ROBO2: variants seen among roughly 807,000 people sequenced by gnomAD.
ROBO2 encodes roundabout homolog 2.
ROBO2 carries 53 observed loss-of-function variants against 160.8 expected under a neutral mutation model. The observed-to-expected ratio is 0.33, with a 90% CI of 0.26 to 0.41. The LOEUF is 0.41. Ranked by LOEUF, ROBO2 falls within the 10% of genes least tolerant of loss-of-function variation. ROBO2 has a pLI of 1.00. For missense variants in ROBO2, 1,577 were observed against 1,722.4 expected (o/e 0.92, Z 1.49); for synonymous variants, 664 against 611.7 (o/e 1.09, Z -1.26).
intron 4 of ROBO2, among the ~76,000 whole-genome samples, chr3:77,491,298 G>C (rs1439794477): frequency 6.6e-6 from 1 of 152,128 alleles, no homozygotes; most frequent in Non-Finnish European, 1.5e-5. Context: ...AAATCAAAGG[G>C]AACAGGAAAG....
At chr3:77,534,629 A>G (rs1037733447) in intron 6 of ROBO2, among the ~76,000 whole-genome samples, 1 of 152,202 alleles carries the variant, frequency 6.6e-6, no homozygotes, top group African/African-American at 2.4e-5. Flanking sequence ...ATTAAATGTC[A>G]CTCAAGGGAA....
chr3:77,114,770 G>T (rs570828540), intron 2 of ROBO2, among the ~76,000 whole-genome samples: 195 of 152,020 alleles, frequency 1.3e-3, no homozygotes, highest in African/African-American at 4.6e-3. Flanking sequence ...TTTTAAAAAA[G>T]CAAAGAAGTA....
At chr3:77,257,123 CT>C in intron 2 of ROBO2, among the ~76,000 whole-genome samples, 1 of 152,288 alleles carries the variant, frequency 6.6e-6, no homozygotes, top group Non-Finnish European at 1.5e-5. Flanking sequence ...TATCAAAACA[CT>C]TGGCTAATTT....
chr3:77,040,173 G>T lies in ROBO2; in HGVS notation c.-613G>T. 1.0e-6 allele frequency: 1 copy of T among 985,762 alleles called. No individual in the cohort carries two copies. The highest frequency in any genetic ancestry group is 1.2e-6 in the Non-Finnish European group (1 of 830,244). The allele number at this position is 985,762 out of a possible 1,614,324, so 61.1% of individuals were successfully genotyped here. A position where few individuals can be genotyped will look rare whatever the true frequency, so the allele number is the denominator to read the frequency against. ...CTCTTTTGGAAACCGGAGAGGTGGA[G>T]GGAGGGCAACACCGCTGCAAAGGAG... is the stretch of plus-strand genomic sequence containing the variant. On this transcript the variant is annotated 5_prime_UTR_variant, in exon 1 of 26. It adds an upstream start codon to the 5' untranslated region. Coordinates refer to ENST00000461745, the Ensembl canonical transcript of ROBO2.
intron 2 of ROBO2, among the ~76,000 whole-genome samples, chr3:76,375,763 T>A (rs1262128998): frequency 6.6e-6 from 1 of 152,068 alleles, no homozygotes; most frequent in Non-Finnish European, 1.5e-5. Context: ...AGTAATTTAG[T>A]CTCTTTGAGA....
At position 76,128,021 on chromosome 3, in the gene ROBO2, G is replaced by C. The variant is rs1309551368; in HGVS notation, c.109+190419G>C. On this transcript the variant is annotated intron_variant, in intron 2 of 26. Transcript: ENST00000487694. The stretch of plus-strand genomic sequence containing the variant: ...AGTGATTCTCCTGCCTCAGCCTCCT[G>C]AGTAGCTGGGACTACAGGCGCCCAC... 4.0e-5 allele frequency among the ~76,000 whole-genome samples: 6 copies of C among 149,576 alleles called. 1 individual carries two copies. Among genetic ancestry groups the C allele is most frequent in the Non-Finnish European group, 1.5e-5 (1 of 67,670 alleles).
intron 2 of ROBO2, among the ~76,000 whole-genome samples, chr3:76,386,518 GT>G (rs779705932): frequency 6.6e-6 from 1 of 151,900 alleles, no homozygotes; most frequent in African/African-American, 2.4e-5. Context: ...TTTTTTAAGG[GT>G]TTTTTAGGGG....
chr3:76,160,373 T>C (rs2072573787), intron 2 of ROBO2, among the ~76,000 whole-genome samples: 1 of 152,206 alleles, frequency 6.6e-6, no homozygotes, highest in Non-Finnish European at 1.5e-5. Flanking sequence ...TTTGCTCCAC[T>C]TTAATATTAA....
intron 2 of ROBO2, among the ~76,000 whole-genome samples, chr3:76,490,295 AGT>A (rs2079744888): frequency 6.6e-6 from 1 of 152,360 alleles, no homozygotes; most frequent in South Asian, 2.1e-4. Flanking sequence ...ATTGTATGAC[AGT>A]AATGATTCAA....
intron 2 of ROBO2, among the ~76,000 whole-genome samples, chr3:76,605,266 G>C (rs539796757): frequency 1.3e-5 from 2 of 152,074 alleles, no homozygotes; most frequent in South Asian, 4.2e-4. Flanking sequence ...TTCAGATGAA[G>C]ACATTAAAGA....
intron 6 of ROBO2, among the ~76,000 whole-genome samples, chr3:77,545,757 T>G (rs1193832435): frequency 6.6e-6 from 1 of 152,124 alleles, no homozygotes; most frequent in Non-Finnish European, 1.5e-5. Context: ...ATACATTTAT[T>G]TATATTGCTT....
chr3:77,225,666 A>G (rs1034140666), intron 2 of ROBO2, among the ~76,000 whole-genome samples: 1 of 152,056 alleles, frequency 6.6e-6, no homozygotes, highest in African/African-American at 2.4e-5. Context: ...GGGAGGAAAT[A>G]CTATGTGCTT....
intron 2 of ROBO2, among the ~76,000 whole-genome samples, chr3:77,026,874 T>C (rs2063001469): frequency 1.3e-5 from 2 of 152,214 alleles, no homozygotes; most frequent in South Asian, 4.1e-4. Flanking sequence ...TTCTCGTACC[T>C]AGAAGACCAA....
At chr3:76,418,016 G>C (rs1012592922) in intron 2 of ROBO2, among the ~76,000 whole-genome samples, 2 of 151,864 alleles carry the variant, frequency 1.3e-5, no homozygotes, top group Non-Finnish European at 2.9e-5. Context: ...CTCCTGAGGA[G>C]ATAAAGCCAG....
chr3:77,288,159 T>C (rs2060741236), intron 2 of ROBO2, among the ~76,000 whole-genome samples: 1 of 152,216 alleles, frequency 6.6e-6, no homozygotes, highest in Admixed American at 6.5e-5. Context: ...GACTGCAAAA[T>C]TGACCGAGCA....
chr3:76,073,117 C>G (rs184892810), intron 2 of ROBO2, among the ~76,000 whole-genome samples: 1 of 151,990 alleles, frequency 6.6e-6, no homozygotes. Context: ...GCTCTTGTAT[C>G]GTGGCTGAAA....
rs144894803 is a variant in ROBO2 at position 76,378,141 on chromosome 3, A to G, written c.109+440539A>G. Among the ~76,000 whole-genome samples the G allele has an allele frequency of 7.5e-3, 1,144 of 152,296 alleles. 17 individuals are homozygous for G. The highest frequency in any genetic ancestry group is 0.026 in the African/African-American group (1,075 of 41,576). The stretch of plus-strand genomic sequence containing the variant: ...CACATTTAAATAATTTTTAACTTCC[A>G]TGTTGTGATTAGATGAATAAACCTT... On this transcript the variant is annotated intron_variant, in intron 2 of 26. Coordinates refer to the ROBO2 transcript ENST00000487694.
intron 2 of ROBO2, among the ~76,000 whole-genome samples, chr3:76,141,056 C>CATATATATATATATATATATATATATAT (rs1467448213): frequency 4.9e-4 from 3 of 6,118 alleles, no homozygotes; most frequent in Non-Finnish European, 1.1e-3. Flanking sequence ...TGTCTTTTTA[C>CATATATATATATATATATATATATATAT]ATACATATAT....
intron 1 of ROBO2, among the ~76,000 whole-genome samples, chr3:77,061,341 A>G (rs2066281543): frequency 6.6e-6 from 1 of 152,138 alleles, no homozygotes; most frequent in Non-Finnish European, 1.5e-5. Context: ...TTGTTCTAAG[A>G]TTCTTTACAC....
Sources: allele counts gnomAD v4.1 joint callset (sites outside exome capture counted in the v4.1 genomes callset), GRCh38; gene constraint gnomAD v4.1.1; transcripts MANE v1.5; gene names NCBI Gene and HGNC (gene_info 2026-07-23, HGNC 2026-07-21).